Variants in NDUFA5 observed in about 807,000 individuals in gnomAD.
NDUFA5 encodes the protein NADH dehydrogenase [ubiquinone] 1 alpha subcomplex subunit 5.
A neutral mutation model predicts 19.8 loss-of-function variants in NDUFA5; 11 were observed. That is an observed-to-expected ratio of 0.56 (90% CI 0.35 to 0.92). The LOEUF is 0.92. NDUFA5 is among the 40% of genes least tolerant of loss of function. The pLI is 0.01. For synonymous variants in NDUFA5, 47 were observed against 46.8 expected (o/e 1.00, Z -0.01); for missense variants, 109 against 134.2 (o/e 0.81, Z 0.93).
chr7:123,557,769 T>A lies in NDUFA5; in HGVS notation c.21+6A>T. 1 of 1,613,428 alleles carries A rather than the reference T, an allele frequency of 6.2e-7. No homozygotes were observed. The highest frequency in any genetic ancestry group is 8.5e-7 in the Non-Finnish European group (1 of 1,179,822). On this transcript the variant is annotated splice_donor_region_variant and intron_variant, in intron 1 of 4. Transcript: ENST00000355749. The stretch of plus-strand genomic sequence containing the variant: ...AAATTCCAACAGTGACCTCCATTCG[T>A]CTCACCTTCTTCAGCACACCCGCCA...
chr7:123,581,015 C>T, the NDUFA5 span, among the ~76,000 whole-genome samples: 1 of 151,950 alleles, frequency 6.6e-6, no homozygotes, highest in Admixed American at 6.6e-5. Flanking sequence ...GTGTGACTCT[C>T]CTTCCACTAG....
the NDUFA5 span, among the ~76,000 whole-genome samples, chr7:123,578,048 C>T: frequency 6.6e-6 from 1 of 151,360 alleles, no homozygotes; most frequent in Non-Finnish European, 1.5e-5. Flanking sequence ...CCCTAGCCCC[C>T]CACCCCATGA....
intron 2 of NDUFA5, chr7:123,557,164 A>G: frequency 1.4e-6 from 1 of 690,850 alleles, no homozygotes; most frequent in South Asian, 1.5e-5. Flanking sequence ...GAAGCCATGA[A>G]AATGTCAAGG....
the NDUFA5 span, among the ~76,000 whole-genome samples, chr7:123,577,775 C>A: frequency 0.012 from 1,801 of 152,196 alleles, 15 homozygotes; most frequent in Non-Finnish European, 0.02. Flanking sequence ...CATGTTTCTT[C>A]ATCTTATCCC....
the NDUFA5 span, among the ~76,000 whole-genome samples, chr7:123,599,978 G>C: frequency 7.2e-5 from 11 of 152,116 alleles, no homozygotes; most frequent in African/African-American, 2.4e-4. Flanking sequence ...AGCTTTCATA[G>C]AGGCAAATGT....
rs753888503 is a variant in NDUFA5, at chr7:123,545,638, G to A, written c.222C>T (p.Gly74=). 6.5e-5 allele frequency: 105 copies of A among 1,610,032 alleles called. 1 individual carries two copies. Among genetic ancestry groups the A allele is most frequent in the Admixed American group, 1.8e-4 (11 of 59,748 alleles). The change falls in exon 4 of 5, where the codon GGC becomes GGT. Residue 74 remains glycine (G), a synonymous_variant. Coordinates refer to ENST00000355749, the MANE Select transcript of NDUFA5 (RefSeq NM_005000.5). The part of the protein sequence containing the change: ...DVKKLEDQLQ[G]GQLEEVILQA... ...GAAGAATCACCTCTTCTAATTGACC[G>A]CCTTGAAGTTGGTCTTCTAATTTTT... is the stretch of plus-strand genomic sequence containing the variant.
At chr7:123,584,452 A>G in the NDUFA5 span, among the ~76,000 whole-genome samples, 2 of 151,964 alleles carry the variant, frequency 1.3e-5, no homozygotes, top group Non-Finnish European at 2.9e-5. Context: ...GTCAAACCTA[A>G]GAACAACTGC....
the NDUFA5 span, among the ~76,000 whole-genome samples, chr7:123,565,396 T>TACACACAC: frequency 3.7e-4 from 55 of 148,348 alleles, no homozygotes; most frequent in African/African-American, 9.4e-4. Flanking sequence ...TAGCTTATAA[T>TACACACAC]ACACACACAC....
At chr7:123,558,016 G>A, upstream of NDUFA5, 1 of 711,968 alleles carries the variant, frequency 1.4e-6, no homozygotes, top group Non-Finnish European at 2.3e-6. Flanking sequence ...GAAGACGATT[G>A]GGGAAAGAAA....
chr7:123,574,707 A>T, the NDUFA5 span, among the ~76,000 whole-genome samples: 3 of 152,086 alleles, frequency 2.0e-5, no homozygotes, highest in African/African-American at 7.2e-5. Flanking sequence ...TCTTACAGCT[A>T]ATTCCTTAAC....
the NDUFA5 span, among the ~76,000 whole-genome samples, chr7:123,565,689 C>T: frequency 1.3e-5 from 2 of 151,586 alleles, no homozygotes; most frequent in African/African-American, 2.4e-5. Flanking sequence ...AAGACCAGCC[C>T]GGCCAACATG....
chr7:123,546,694 C>G, intron 3 of NDUFA5: 1 of 1,288,838 alleles, frequency 7.8e-7, no homozygotes, highest in Non-Finnish European at 1.0e-6. Flanking sequence ...TATGTTACTG[C>G]CTCAGGGTAT....
chr7:123,549,485 T>C (rs1562895442), intron 3 of NDUFA5, among the ~76,000 whole-genome samples: 2 of 152,162 alleles, frequency 1.3e-5, no homozygotes. Context: ...GATGATAAAA[T>C]AGGTGAGGCA....
upstream of NDUFA5, among the ~76,000 whole-genome samples, chr7:123,559,710 G>C (rs1303043031): frequency 6.6e-6 from 1 of 151,934 alleles, no homozygotes; most frequent in Non-Finnish European, 1.5e-5. Flanking sequence ...ACAAAAATTA[G>C]CCAGGCCTTG....
At chr7:123,556,691 G>A in intron 2 of NDUFA5, 1 of 384,980 alleles carries the variant, frequency 2.6e-6, no homozygotes, top group African/African-American at 2.1e-5. Flanking sequence ...GAGATAACTG[G>A]TGAACTTGAA....
intron 2 of NDUFA5, among the ~76,000 whole-genome samples, chr7:123,550,841 CAAAGGTATGAT>C (rs1798312195): frequency 6.6e-6 from 1 of 152,026 alleles, no homozygotes; most frequent in South Asian, 2.1e-4. Context: ...CTAGATAAGT[CAAAGGTATGAT>C]AACAAGTAGA....
chr7:123,540,456 A>G lies in NDUFA5; in HGVS notation c.*1663T>C, dbSNP rs1026823352. ...AGCCATCTTTGTTTCTGTGTTGTCC[A>G]AAGGACCTGAAAAATAATGGTTGGC... On this transcript the variant is annotated 3_prime_UTR_variant, in exon 5 of 5. Coordinates refer to ENST00000355749, the MANE Select transcript of NDUFA5 (RefSeq NM_005000.5). 8.5e-5 allele frequency: 13 copies of G among 152,210 alleles called. No homozygotes were observed. Among genetic ancestry groups the G allele is most frequent in the Middle Eastern group, 3.2e-3 (1 of 316 alleles). The allele number at this position is 152,210 out of a possible 1,614,324, so 9.4% of individuals were successfully genotyped here.
At chr7:123,598,421 C>T in the NDUFA5 span, among the ~76,000 whole-genome samples, 1 of 152,112 alleles carries the variant, frequency 6.6e-6, no homozygotes, top group African/African-American at 2.4e-5. Context: ...ATATTCTCTC[C>T]TTTTAATCCA....
At chr7:123,546,674 CAA>C in intron 3 of NDUFA5, 1 of 1,286,948 alleles carries the variant, frequency 7.8e-7, no homozygotes, top group Non-Finnish European at 1.0e-6. Context: ...CTTTTCAACA[CAA>C]GACGTGATAT....
Sources: gnomAD v4.1 joint callset for allele counts (sites outside exome capture counted in the v4.1 genomes callset) on GRCh38, gnomAD v4.1.1 for gene constraint, MANE v1.5 for transcripts, NCBI Gene and HGNC (gene_info 2026-07-23, HGNC 2026-07-21) for gene names.